The following SORCS2 variants were observed in gnomAD, a reference collection of about 807,000 sequenced individuals.
SORCS2 encodes sortilin related VPS10 domain containing receptor 2, also known as VPS10 domain-containing receptor SorCS2.
A neutral mutation model predicts 141.6 loss-of-function variants in SORCS2; 100 were observed. The ratio of observed to expected loss-of-function variants is 0.71; its 90% CI spans 0.60 to 0.83. The LOEUF is 0.83. Ranked by LOEUF, SORCS2 falls within the 40% of genes least tolerant of loss-of-function variation. The probability of loss-of-function intolerance (pLI) is 0.00; values close to 1 mark genes in which losing one functional copy is unlikely to be tolerated. For synonymous variants in SORCS2, 789 were observed against 676.9 expected (o/e 1.17, Z -2.57); for missense variants, 1,646 against 1,560.2 (o/e 1.05, Z -0.93).
At chr4:7,469,011 A>G (rs1023002263) in intron 2 of SORCS2, among the ~76,000 whole-genome samples, 3 of 152,166 alleles carry the variant, frequency 2.0e-5, no homozygotes, top group Non-Finnish European at 4.4e-5. Context: ...AGTTGTTGTG[A>G]GGGTAGAAAT....
chr4:7,558,441 G>A (rs755776122), intron 3 of SORCS2, among the ~76,000 whole-genome samples: 6 of 152,166 alleles, frequency 3.9e-5, no homozygotes, highest in Non-Finnish European at 7.3e-5. Context: ...CTACCACTTT[G>A]GGCTGAGGAA....
intron 2 of SORCS2, among the ~76,000 whole-genome samples, chr4:7,509,745 G>A (rs68042441): frequency 0.013 from 1,972 of 152,292 alleles, 15 homozygotes; most frequent in Non-Finnish European, 0.018. Context: ...CTGGAGAGAA[G>A]GCTGGGGTGG....
chr4:7,709,579 C>T (rs1394454778), intron 14 of SORCS2, among the ~76,000 whole-genome samples: 1 of 152,232 alleles, frequency 6.6e-6, no homozygotes, highest in Non-Finnish European at 1.5e-5. Context: ...ACAAATAACT[C>T]AAACTGCAGG....
intron 1 of SORCS2, among the ~76,000 whole-genome samples, chr4:7,365,659 A>C (rs1016249578): frequency 1.3e-5 from 2 of 152,096 alleles, no homozygotes; most frequent in African/African-American, 4.8e-5. Context: ...AGCTGCTGAC[A>C]CTCAGGGTTG....
At chr4:7,339,987 A>G (rs1200713517) in intron 1 of SORCS2, among the ~76,000 whole-genome samples, 1 of 152,128 alleles carries the variant, frequency 6.6e-6, no homozygotes, top group African/African-American at 2.4e-5. Context: ...AGGCGAGGAG[A>G]GGCTGGGGGC....
intron 1 of SORCS2, among the ~76,000 whole-genome samples, chr4:7,226,336 G>C (rs1728989737): frequency 6.6e-6 from 1 of 152,208 alleles, no homozygotes; most frequent in Non-Finnish European, 1.5e-5. Context: ...ACCTGGGCCT[G>C]TCTGACCTCA....
chr4:7,533,479 A>C (rs927100652), intron 3 of SORCS2, among the ~76,000 whole-genome samples: 3 of 152,144 alleles, frequency 2.0e-5, no homozygotes, highest in Non-Finnish European at 2.9e-5. Context: ...CTGTCCATCC[A>C]GCCGATCTGG....
chr4:7,279,965 C>T (rs892693110), intron 1 of SORCS2, among the ~76,000 whole-genome samples: 2 of 151,442 alleles, frequency 1.3e-5, no homozygotes, highest in African/African-American at 4.9e-5. Flanking sequence ...TCCCAGCTGA[C>T]CTTAAACTTC....
chr4:7,433,244 G>A, intron 2 of SORCS2: 1 of 1,312,414 alleles, frequency 7.6e-7, no homozygotes, highest in African/African-American at 1.5e-5. Flanking sequence ...TTTCATTTGT[G>A]AAATGGGGAT....
At chr4:7,737,360 C>A in intron 26 of SORCS2, 188 bp downstream of exon 26, 1 of 751,288 alleles carries the variant, frequency 1.3e-6, no homozygotes, top group Non-Finnish European at 2.1e-6. Flanking sequence ...GATGACGGGA[C>A]CTGACAGGGC....
At chr4:7,739,746 C>T (rs1021935651) in intron 26 of SORCS2, among the ~76,000 whole-genome samples, 2 of 152,154 alleles carry the variant, frequency 1.3e-5, no homozygotes, top group African/African-American at 4.8e-5. Context: ...TCCTAACCAG[C>T]CCCCACCCGG....
chr4:7,506,590 T>TGGCC (rs796499057), intron 2 of SORCS2, among the ~76,000 whole-genome samples: 37 of 152,186 alleles, frequency 2.4e-4, no homozygotes, highest in African/African-American at 8.4e-4. Context: ...ACTGGCCGCA[T>TGGCC]GGCCCTTGGC....
intron 16 of SORCS2, among the ~76,000 whole-genome samples, chr4:7,714,932 A>T (rs962736371): frequency 5.3e-5 from 8 of 152,004 alleles, no homozygotes; most frequent in Non-Finnish European, 2.9e-5. Context: ...CCATCCTTTG[A>T]GATTTGCTCA....
intron 1 of SORCS2, among the ~76,000 whole-genome samples, chr4:7,360,148 T>C (rs1721493136): frequency 6.6e-6 from 1 of 152,226 alleles, no homozygotes. Context: ...ATATTAAGCA[T>C]CATTGATCCG....
At chr4:7,439,219 T>A (rs191449638) in intron 2 of SORCS2, among the ~76,000 whole-genome samples, 109 of 152,284 alleles carry the variant, frequency 7.2e-4, no homozygotes, top group Middle Eastern at 3.4e-3. Context: ...CGTGTGTATA[T>A]GTAACATATT....
At chr4:7,700,231 C>G (rs753293784) in intron 12 of SORCS2, among the ~76,000 whole-genome samples, 10 of 152,240 alleles carry the variant, frequency 6.6e-5, no homozygotes, top group Non-Finnish European at 1.2e-4. Flanking sequence ...TCTGGACTTT[C>G]CCTAAAACAA....
At chr4:7,699,968 C>A (rs1004783603) in intron 12 of SORCS2, among the ~76,000 whole-genome samples, 1 of 152,202 alleles carries the variant, frequency 6.6e-6, no homozygotes, top group Non-Finnish European at 1.5e-5. Flanking sequence ...AGGGAATGTG[C>A]TCTTGTGACT....
intron 20 of SORCS2, 73 bp from the exon 21 acceptor site, chr4:7,726,707 G>A: frequency 1.2e-5 from 19 of 1,558,382 alleles, no homozygotes; most frequent in Non-Finnish European, 1.6e-5. Context: ...GTGAGGCAGC[G>A]ACCATAGGCC....
intron 9 of SORCS2, among the ~76,000 whole-genome samples, chr4:7,679,724 G>C (rs895905728): frequency 7.4e-5 from 11 of 149,228 alleles, no homozygotes; most frequent in African/African-American, 2.7e-4. Flanking sequence ...AATTTCTGTT[G>C]TCTGAAGCCA....
Sources: allele counts gnomAD v4.1 joint callset (sites outside exome capture counted in the v4.1 genomes callset), GRCh38; gene constraint gnomAD v4.1.1; transcripts MANE v1.5; gene names NCBI Gene and HGNC (gene_info 2026-07-23, HGNC 2026-07-21).